Variants in GDPD2 observed in about 807,000 individuals in gnomAD.
GDPD2 encodes the protein glycerophosphodiester phosphodiesterase 3.
Under a neutral mutation model 49.2 loss-of-function variants are expected in GDPD2, and 23 were observed. The ratio of observed to expected loss-of-function variants is 0.47; its 90% CI spans 0.34 to 0.66. The LOEUF is 0.66. GDPD2 is among the 30% of genes least tolerant of loss of function. The pLI is 0.01. For synonymous variants in GDPD2, 167 were observed against 171.4 expected, an observed-to-expected ratio of 0.97 and a Z score of 0.20; for missense variants, 338 against 424.7, an observed-to-expected ratio of 0.80 and a Z score of 1.79.
intron 12 of GDPD2, 109 bp from the exon 13 acceptor site, chrX:70,432,198 T>C (rs979636109): frequency 4.9e-6 from 3 of 612,115 alleles, no homozygotes; most frequent in Admixed American, 5.7e-5. Flanking sequence ...GCAGAGCTGA[T>C]ACCTCCTTGG....
At chrX:70,431,116 C>T in intron 12 of GDPD2, 2 of 1,147,727 alleles carry the variant, frequency 1.7e-6, no homozygotes, top group Non-Finnish European at 2.3e-6. Flanking sequence ...TGAGCTATCT[C>T]ACCTAGCTAT....
intron 12 of GDPD2, among the ~76,000 whole-genome samples, chrX:70,430,804 T>TA (rs112279261): frequency 9.9e-5 from 11 of 111,264 alleles, no homozygotes; most frequent in African/African-American, 3.6e-4. Context: ...GAATTTTAAT[T>TA]AAAAAAATTT....
intron 12 of GDPD2, 53 bp from the exon 13 acceptor site, chrX:70,432,254 G>A (rs186236723): frequency 2.4e-4 from 262 of 1,108,214 alleles, no homozygotes; most frequent in Non-Finnish European, 3.1e-4. Context: ...TGCCTCCCAT[G>A]TCCTGTGCAC....
chrX:70,429,089 C>T (rs1011179076), intron 10 of GDPD2, among the ~76,000 whole-genome samples: 10 of 111,929 alleles, frequency 8.9e-5, no homozygotes, highest in Admixed American at 1.9e-4. Context: ...AGAATTGAAT[C>T]AGAGTCTGGG....
In GDPD2 at chrX:70,433,133, C is replaced by T. The variant is rs778917202; in HGVS notation, c.*47C>T. On this transcript the variant is annotated 3_prime_UTR_variant, in exon 16 of 16. Transcript: ENST00000374382. ...CCCAAGCCAGTCTACATTGCCCAAA[C>T]AGCAAGGGTTGGAGAGTGGCTTAAG... is the stretch of plus-strand genomic sequence containing the variant. 7.9e-6 allele frequency: 8 copies of T among 1,010,397 alleles called. No homozygotes were observed. The highest frequency in any genetic ancestry group is 2.3e-5 in the Admixed American group (1 of 43,791). 83.3% of individuals were successfully genotyped at this position (1,010,397 alleles called of 1,213,427 possible).
At chrX:70,428,495 A>ACT (rs758306346) in intron 10 of GDPD2, among the ~76,000 whole-genome samples, 291 of 108,120 alleles carry the variant, frequency 2.7e-3, no homozygotes, top group Non-Finnish European at 4.0e-3. Flanking sequence ...GCATACACAA[A>ACT]CTCTCTCTCT....
chrX:70,430,903 A>G, intron 12 of GDPD2: 2 of 411,552 alleles, frequency 4.9e-6, no homozygotes, highest in South Asian at 4.0e-5. Context: ...CCTGGGCTCA[A>G]GTGATCCTGA....
Position 70,429,802 on chromosome X carries a change from G to T in GDPD2, c.1158+88G>T, listed in dbSNP as rs184886139. 5.6e-4 allele frequency: 596 copies of T among 1,065,185 alleles called. 1 individual carries two copies. The African/African-American group carries it at 9.6e-3, about 17-fold the overall frequency. The allele number at this position is 1,065,185 out of a possible 1,213,427, so 87.8% of individuals were successfully genotyped here. A position where few individuals can be genotyped will look rare whatever the true frequency, so the allele number is the denominator to read the frequency against. ...TTTTGAGGCTGCCCCTACCCCCAGG[G>T]CCCTGCCCCAGCTCACATACCCCAT... On this transcript the variant is annotated intron_variant, in intron 11 of 15. Transcript: ENST00000374382.
Position 70,430,041 on chromosome X carries a change from G to A in GDPD2, c.1285G>A (p.Asp429Asn). 1 of 1,209,059 alleles carries A rather than the reference G, an allele frequency of 8.3e-7. No homozygotes were observed. Among genetic ancestry groups the A allele is most frequent in the African/African-American group, 1.7e-5 (1 of 57,773 alleles). The part of the protein sequence containing the change: ...RPQFLNLPYQ[D>N]LPLLDIKALH... Reference sequence around the variant, plus strand: ...CCAGTTTCTTAACCTCCCCTATCAAGATCTGCCACTATTGGATATCAAGTG... The same window carrying A: ...CCAGTTTCTTAACCTCCCCTATCAAAATCTGCCACTATTGGATATCAAGTG... The change falls in exon 12 of 16, where the codon GAT becomes AAT. Residue 429 changes from aspartate (D) to asparagine (N), a missense_variant. Asp to Asn is a conservative substitution (Grantham distance 23). Coordinates refer to ENST00000374382, the MANE Select transcript of GDPD2 (RefSeq NM_017711.4).
chrX:70,433,286 G>A lies in GDPD2; in HGVS notation c.*200G>A, dbSNP rs188437281. 1.9e-3 allele frequency: 809 copies of A among 427,734 alleles called. 3 individuals are homozygous for A. The highest frequency in any genetic ancestry group is 3.2e-3 in the Admixed American group (78 of 24,757). 35.3% of individuals were successfully genotyped at this position (427,734 alleles called of 1,213,427 possible). On this transcript the variant is annotated 3_prime_UTR_variant, in exon 16 of 16. Transcript: ENST00000374382. The stretch of plus-strand genomic sequence containing the variant: ...CTGCTATGGAATCTGCTCCCTTTGG[G>A]GTTTTGACCTGAGATGTTTGGGAAG...
At chrX:70,429,214 C>A (rs2086453004) in intron 10 of GDPD2, among the ~76,000 whole-genome samples, 1 of 111,376 alleles carries the variant, frequency 9.0e-6, no homozygotes, top group Non-Finnish European at 1.9e-5. Context: ...GGCTGATGAA[C>A]TGGGAAGAAA....
intron 3 of GDPD2, 126 bp from the exon 4 acceptor site, chrX:70,425,637 C>T (rs1318887054): frequency 1.8e-6 from 1 of 553,863 alleles, no homozygotes; most frequent in Admixed American, 2.4e-5. Flanking sequence ...TCCTTGGAGC[C>T]CCTGGCCACG....
intron 1 of GDPD2, 31 bp from the exon 2 acceptor site, chrX:70,424,945 G>C: frequency 1.1e-6 from 1 of 944,635 alleles, no homozygotes; most frequent in East Asian, 3.3e-5. Context: ...CTCTGCCAGG[G>C]TCCCTGATGG....
intron 2 of GDPD2, 69 bp downstream of exon 2, chrX:70,425,158 C>T: frequency 1.3e-6 from 1 of 791,294 alleles, no homozygotes; most frequent in East Asian, 3.3e-5. Context: ...GATAAGGAGG[C>T]CAATTGTGCT....
At chrX:70,429,740 C>T (rs1298327060) in intron 11 of GDPD2, 26 bp downstream of exon 11, 2 of 1,114,673 alleles carry the variant, frequency 1.8e-6, no homozygotes, top group Admixed American at 4.5e-5. Context: ...CCCCCTCTCC[C>T]CACCCTGCCT....
chrX:70,427,584 C>T, intron 10 of GDPD2, 121 bp downstream of exon 10: 1 of 559,511 alleles, frequency 1.8e-6, no homozygotes, highest in South Asian at 3.4e-5. Context: ...AGTCTGTGCT[C>T]TCAAGTCACT....
rs1460685218 is a variant in GDPD2, at chrX:70,425,222, A to G, written c.106-132A>G. 4.5e-6 allele frequency: 3 copies of G among 659,778 alleles called. No individual in the cohort carries two copies. The African/African-American group carries it at 6.5e-5, about 14-fold the overall frequency. The allele number at this position is 659,778 out of a possible 1,213,427, so 54.4% of individuals were successfully genotyped here. ...TCTCCCAGGAAGAAAATCTCCCTCA[A>G]ATATGGAAAGAGCTGCCCCCCGAGC... On this transcript the variant is annotated intron_variant, in intron 2 of 15. Coordinates refer to ENST00000374382, the MANE Select transcript of GDPD2 (RefSeq NM_017711.4).
Position 70,425,777 on chromosome X carries a change from G to A in GDPD2, c.224G>A (p.Arg75His), listed in dbSNP as rs145392379. ...CCCTCCCACAGATTCCTCTTCCGCC[G>A]CTGGGGACACTGGATGGACTGGTCC... ...LHNFNEFLFRRWGHWMDWSLA... is the reference protein window; with the variant it reads ...LHNFNEFLFRHWGHWMDWSLA... Residue 75 changes from arginine (R) to histidine (H), a missense_variant, in exon 4 of 16, where the codon CGC becomes CAC. Arg to His is a conservative substitution (Grantham distance 29, BLOSUM62 0). Around this residue, in one of 3 missense-constraint regions of GDPD2, gnomAD observed 75 missense variants for 67.6 expected, o/e 1.11. Transcript: ENST00000374382. 148 of 1,180,523 alleles carry A rather than the reference G, an allele frequency of 1.3e-4. No homozygotes were observed. Among genetic ancestry groups the A allele is most frequent in the Middle Eastern group, 4.7e-4 (2 of 4,300 alleles).
chrX:70,426,142 G>A (rs757367990), intron 5 of GDPD2, 31 bp downstream of exon 5: 22 of 1,104,727 alleles, frequency 2.0e-5, no homozygotes, highest in Non-Finnish European at 2.8e-5. Context: ...CATGGGAGAG[G>A]GGGCCACTGG....
Sources: allele counts gnomAD v4.1 joint callset (sites outside exome capture counted in the v4.1 genomes callset), GRCh38; gene constraint gnomAD v4.1.1; regional missense constraint gnomAD v4.1.1; transcripts MANE v1.5; gene names NCBI Gene and HGNC (gene_info 2026-07-23, HGNC 2026-07-21).